The following SCGB2B2 variants were observed in gnomAD, a reference collection of about 807,000 sequenced individuals.
SCGB2B2 encodes secretoglobin-like protein.
Under a neutral mutation model 7.6 loss-of-function variants are expected in SCGB2B2, and 11 were observed. The observed-to-expected ratio is 1.45, with a 90% CI of 0.91 to 2.40. SCGB2B2 has a LOEUF of 2.40. SCGB2B2 is among the 30% of genes most tolerant of loss of function. The pLI is 0.00. For synonymous variants in SCGB2B2, 50 were observed against 48.6 expected (o/e 1.03, Z -0.12); for missense variants, 104 against 115.4 (o/e 0.90, Z 0.45).
chr19:34,674,240 T>C (rs2067868801), intron 1 of SCGB2B2, among the ~76,000 whole-genome samples: 1 of 152,170 alleles, frequency 6.6e-6, no homozygotes, highest in Non-Finnish European at 1.5e-5. Context: ...GTCTTAAGTG[T>C]GGTTTAAAGT....
chr19:34,615,390 C>G (rs1424228184), intron 1 of SCGB2B2, among the ~76,000 whole-genome samples: 1 of 151,308 alleles, frequency 6.6e-6, no homozygotes, highest in African/African-American at 2.4e-5. Flanking sequence ...GAAGTTCCTT[C>G]TAATTCTCAG....
intron 1 of SCGB2B2, among the ~76,000 whole-genome samples, chr19:34,627,880 T>C (rs2066422124): frequency 6.6e-6 from 1 of 152,168 alleles, no homozygotes; most frequent in Non-Finnish European, 1.5e-5. Flanking sequence ...AGTAAAGCAC[T>C]CCTCTGCAAA....
chr19:34,623,744 C>T (rs544062302), intron 1 of SCGB2B2, among the ~76,000 whole-genome samples: 1 of 152,298 alleles, frequency 6.6e-6, no homozygotes, highest in African/African-American at 2.4e-5. Context: ...TACTGTGGCC[C>T]TAGCAAAGCC....
chr19:34,609,508 G>C, intron 1 of SCGB2B2, among the ~76,000 whole-genome samples: 2 of 152,090 alleles, frequency 1.3e-5, no homozygotes, highest in East Asian at 3.9e-4. Context: ...GATTAGAGAT[G>C]GATGTCTGGT....
In SCGB2B2 at chr19:34,675,770, G is replaced by C. The variant is rs2067911399; in HGVS notation, c.-2172C>G. 1 of 153,126 alleles carries C rather than the reference G, an allele frequency of 6.5e-6. No homozygotes were observed. 9.5% of individuals were successfully genotyped at this position (153,126 alleles called of 1,614,324 possible). A position where few individuals can be genotyped will look rare whatever the true frequency, so the allele number is the denominator to read the frequency against. On this transcript the variant is annotated 5_prime_UTR_variant, in exon 1 of 4. Transcript: ENST00000601241. ...TCATAAAGGCGGTGCGTCTGGAGTCGTGCTGGAGTTGTTTGTTCCTCCCGG... is the reference window on the plus strand; with the variant it reads ...TCATAAAGGCGGTGCGTCTGGAGTCCTGCTGGAGTTGTTTGTTCCTCCCGG...
At chr19:34,596,800 C>T (rs1014377749) in intron 1 of SCGB2B2, among the ~76,000 whole-genome samples, 27 of 151,842 alleles carry the variant, frequency 1.8e-4, no homozygotes, top group African/African-American at 2.7e-4. Context: ...CCAAGAGGGC[C>T]GCAGTGGGGC....
chr19:34,585,785 T>C (rs2065180311), downstream of SCGB2B2, among the ~76,000 whole-genome samples: 1 of 152,186 alleles, frequency 6.6e-6, no homozygotes, highest in Admixed American at 6.5e-5. Context: ...GGTGGAGCCA[T>C]CAGTGTTAGA....
rs77564176 is a variant in SCGB2B2 at position 34,594,174 on chromosome 19, C to G, written c.246+1G>C. 1 of 1,613,588 alleles carries G rather than the reference C, an allele frequency of 6.2e-7. No individual in the cohort carries two copies. Among genetic ancestry groups the G allele is most frequent in the Non-Finnish European group, 8.5e-7 (1 of 1,179,654 alleles). On this transcript the variant is annotated splice_donor_variant, in intron 3 of 3. Coordinates refer to ENST00000601241, the MANE Select transcript of SCGB2B2 (RefSeq NM_001025591.4). LOFTEE classifies it high-confidence loss of function. ...GTGCAGGTCCCCCCGGGCACACTCA[C>G]AATAACAACTGAATGAGCAAATCTT...
intron 1 of SCGB2B2, among the ~76,000 whole-genome samples, chr19:34,647,068 C>G (rs2067038744): frequency 3.9e-5 from 6 of 152,028 alleles, no homozygotes; most frequent in Admixed American, 3.9e-4. Flanking sequence ...GGAAACCTTG[C>G]CCTCCTGGCT....
At chr19:34,617,839 T>C (rs1053600434) in intron 1 of SCGB2B2, among the ~76,000 whole-genome samples, 7 of 152,318 alleles carry the variant, frequency 4.6e-5, no homozygotes, top group African/African-American at 1.4e-4. Context: ...AGATAGCTCT[T>C]ATTATTTTGA....
rs3055684 is a variant in SCGB2B2 at position 34,594,652 on chromosome 19, C to CGTGTGTGTGTGTGT, written c.-103_-90dup. On this transcript the variant is annotated 5_prime_UTR_variant, in exon 2 of 4. An upstream open reading frame in the 5' UTR loses its in-frame stop. Coordinates refer to ENST00000601241, the MANE Select transcript of SCGB2B2 (RefSeq NM_001025591.4). ...TATCTGAACAAGGCACATGCCTCTT[C>CGTGTGTGTGTGTGT]GTGTGTGTGTGTGTGTGTGTGTGTG... 10 of 659,336 alleles carry CGTGTGTGTGTGTGT rather than the reference C, an allele frequency of 1.5e-5. No individual in the cohort carries two copies. The highest frequency in any genetic ancestry group is 7.6e-5 in the African/African-American group (4 of 52,456). 40.8% of individuals were successfully genotyped at this position (659,336 alleles called of 1,614,324 possible).
At chr19:34,653,477 A>G (rs1395842361) in intron 1 of SCGB2B2, among the ~76,000 whole-genome samples, 1 of 151,264 alleles carries the variant, frequency 6.6e-6, no homozygotes, top group Non-Finnish European at 1.5e-5. Flanking sequence ...CCATAAATAT[A>G]TACAATTATT....
chr19:34,617,088 C>A (rs1002000299), intron 1 of SCGB2B2, among the ~76,000 whole-genome samples: 4 of 152,146 alleles, frequency 2.6e-5, no homozygotes, highest in Non-Finnish European at 5.9e-5. Context: ...GGTTATGTAG[C>A]CTTGCAGTAT....
chr19:34,668,315 C>A (rs2067697258), intron 1 of SCGB2B2, among the ~76,000 whole-genome samples: 1 of 152,110 alleles, frequency 6.6e-6, no homozygotes. Context: ...CCTGCCCGGG[C>A]AGTGAGGGGC....
intron 1 of SCGB2B2, among the ~76,000 whole-genome samples, chr19:34,633,767 G>A (rs548725947): frequency 6.9e-5 from 9 of 131,080 alleles, no homozygotes; most frequent in East Asian, 2.0e-4. Context: ...AGTTTACTGC[G>A]CAACAATATC....
At position 34,653,317 on chromosome 19, in the gene SCGB2B2, C is replaced by T. The variant is rs945426208; in HGVS notation, c.-2032+22313G>A. 2.3e-4 allele frequency among the ~76,000 whole-genome samples: 35 copies of T among 150,876 alleles called. 3 individuals are homozygous for T. Among genetic ancestry groups the T allele is most frequent in the African/African-American group, 8.2e-4 (33 of 40,326 alleles). On this transcript the variant is annotated intron_variant, in intron 1 of 3. Transcript: ENST00000601241. The stretch of plus-strand genomic sequence containing the variant: ...AGGATTGTAGGGTGAGTGTAATATA[C>T]AATTTATTGTATATTTTCAAATACC...
At chr19:34,612,310 T>A (rs974110890) in intron 1 of SCGB2B2, among the ~76,000 whole-genome samples, 2 of 152,168 alleles carry the variant, frequency 1.3e-5, no homozygotes, top group Admixed American at 1.3e-4. Context: ...GTGCTGGGAT[T>A]ACAGGCATGA....
rs1359455254 is a variant in SCGB2B2, at chr19:34,594,613, G to A, written c.-50C>T. 2.0e-6 allele frequency: 3 copies of A among 1,487,922 alleles called. No homozygotes were observed. In the East Asian group the frequency reaches 6.8e-5, roughly 34 times the overall value. The allele number at this position is 1,487,922 out of a possible 1,614,324, so 92.2% of individuals were successfully genotyped here. A position where few individuals can be genotyped will look rare whatever the true frequency, so the allele number is the denominator to read the frequency against. ...GCACAGGCAGGGAATTTGGCGATGG[G>A]TGAGCTTTATGTATATCTGAACAAG... On this transcript the variant is annotated 5_prime_UTR_variant, in exon 2 of 4. Transcript: ENST00000601241.
chr19:34,626,026 C>T (rs905411227), intron 1 of SCGB2B2, among the ~76,000 whole-genome samples: 2 of 152,208 alleles, frequency 1.3e-5, no homozygotes, highest in Admixed American at 1.3e-4. Flanking sequence ...AGTGGACCTC[C>T]AGCAAACTCC....
Sources: gnomAD v4.1 joint callset for allele counts (sites outside exome capture counted in the v4.1 genomes callset) on GRCh38, gnomAD v4.1.1 for gene constraint, MANE v1.5 for transcripts, NCBI Gene and HGNC (gene_info 2026-07-23, HGNC 2026-07-21) for gene names.